The following ACTR3C variants were observed in gnomAD, a reference collection of about 807,000 sequenced individuals.
ACTR3C encodes actin-related protein 3C.
A neutral mutation model predicts 26.3 loss-of-function variants in ACTR3C; 18 were observed. The ratio of observed to expected loss-of-function variants is 0.68; its 90% CI spans 0.47 to 1.01. ACTR3C has a LOEUF of 1.01. Ranked by LOEUF, ACTR3C falls within the 50% of genes least tolerant of loss-of-function variation. The pLI is 0.00. For synonymous variants in ACTR3C, 55 were observed against 94.5 expected (o/e 0.58, Z 2.42); for missense variants, 184 against 250.7 (o/e 0.73, Z 1.80).
the ACTR3C span, among the ~76,000 whole-genome samples, chr7:150,180,518 T>TA: frequency 6.9e-6 from 1 of 145,012 alleles, no homozygotes; most frequent in East Asian, 2.0e-4. Context: ...TATCTTTTTT[T>TA]TTTTTTTTTT....
chr7:150,139,006 G>T, the ACTR3C span, among the ~76,000 whole-genome samples: 6 of 152,262 alleles, frequency 3.9e-5, no homozygotes, highest in African/African-American at 1.4e-4. Context: ...CAAGTTCAGG[G>T]CTCCCACTGA....
At chr7:150,029,370 G>T in the ACTR3C span, among the ~76,000 whole-genome samples, 1 of 144,056 alleles carries the variant, frequency 6.9e-6, no homozygotes, top group Non-Finnish European at 1.5e-5. Flanking sequence ...GACCAGGCTG[G>T]GCAACATAGG....
the ACTR3C span, among the ~76,000 whole-genome samples, chr7:149,935,699 G>T: frequency 7.1e-4 from 101 of 141,836 alleles, no homozygotes; most frequent in African/African-American, 2.5e-3. Context: ...GTTCTTATCA[G>T]CAGCAATCAT....
downstream of ACTR3C, chr7:150,245,812 G>A (rs1271377885): frequency 3.3e-5 from 5 of 152,224 alleles, no homozygotes; most frequent in Admixed American, 3.3e-4. Flanking sequence ...CCTGCTGGGG[G>A]GCTCAGTGAA....
chr7:150,169,046 C>A, the ACTR3C span, among the ~76,000 whole-genome samples: 1 of 150,470 alleles, frequency 6.6e-6, no homozygotes, highest in Non-Finnish European at 1.5e-5. Context: ...TAGACGAGGT[C>A]ATGAAGATGG....
the ACTR3C span, among the ~76,000 whole-genome samples, chr7:150,110,309 C>G: frequency 6.6e-6 from 1 of 151,720 alleles, no homozygotes; most frequent in Admixed American, 6.6e-5. Flanking sequence ...TCTCTCTGCT[C>G]TCCTGGCTGT....
the ACTR3C span, among the ~76,000 whole-genome samples, chr7:150,189,329 T>G: frequency 6.6e-6 from 1 of 152,226 alleles, no homozygotes; most frequent in South Asian, 2.1e-4. Flanking sequence ...GTTGTGATAC[T>G]CATCTATAAT....
rs111231836 is a variant in ACTR3C at position 150,285,319 on chromosome 7, GGGTT to G, written c.472-478_472-475del. On this transcript the variant is annotated intron_variant, in intron 5 of 7. Transcript: ENST00000683684. ...AGGGAAGTGTTTTGTTTAATGAGAA[GGGTT>G]TGTTTAACATGAAACAATCCACATG... 4.7e-3 allele frequency among the ~76,000 whole-genome samples: 713 copies of G among 152,258 alleles called. 5 individuals are homozygous for G. Among genetic ancestry groups the G allele is most frequent in the African/African-American group, 0.016 (670 of 41,532 alleles).
At chr7:150,045,353 TTTG>T in the ACTR3C span, among the ~76,000 whole-genome samples, 2 of 152,354 alleles carry the variant, frequency 1.3e-5, no homozygotes, top group African/African-American at 2.4e-5. Flanking sequence ...TGCATAAAAG[TTTG>T]TTGTTGTTTT....
At chr7:150,174,629 A>C in the ACTR3C span, among the ~76,000 whole-genome samples, 1 of 139,710 alleles carries the variant, frequency 7.2e-6, no homozygotes, top group Non-Finnish European at 1.5e-5. Context: ...CAACAGTTTC[A>C]ACAAAGTGGA....
At chr7:149,997,908 ATTTGT>A in the ACTR3C span, among the ~76,000 whole-genome samples, 1 of 149,736 alleles carries the variant, frequency 6.7e-6, no homozygotes, top group African/African-American at 2.5e-5. Context: ...GAGTTTAGAT[ATTTGT>A]TTTATTTATA....
the ACTR3C span, among the ~76,000 whole-genome samples, chr7:150,067,226 A>G: frequency 6.6e-6 from 1 of 152,260 alleles, no homozygotes; most frequent in African/African-American, 2.4e-5. Context: ...CATTGAATTT[A>G]AATGCTGGAT....
the ACTR3C span, among the ~76,000 whole-genome samples, chr7:150,139,699 A>G: frequency 6.6e-6 from 1 of 152,246 alleles, no homozygotes; most frequent in Non-Finnish European, 1.5e-5. Context: ...ATGGCTTTCC[A>G]GCTTCCTCAT....
the ACTR3C span, among the ~76,000 whole-genome samples, chr7:150,147,180 A>T: frequency 1.4e-4 from 21 of 152,322 alleles, no homozygotes; most frequent in Admixed American, 1.2e-3. Context: ...TATTAGGCAT[A>T]TGAAAATATC....
chr7:150,006,185 A>AATTAATTAATTAATTT, the ACTR3C span, among the ~76,000 whole-genome samples: 2 of 139,016 alleles, frequency 1.4e-5, no homozygotes, highest in African/African-American at 5.4e-5. Flanking sequence ...AATTGCACAG[A>AATTAATTAATTAATTT]ATTTATTTAT....
chr7:150,085,528 C>T, the ACTR3C span, among the ~76,000 whole-genome samples: 26 of 152,240 alleles, frequency 1.7e-4, no homozygotes, highest in Middle Eastern at 3.4e-3. Flanking sequence ...TCTGGATCTC[C>T]ACAAACCCCT....
chr7:150,209,056 TGAA>T, the ACTR3C span, among the ~76,000 whole-genome samples: 1 of 151,934 alleles, frequency 6.6e-6, no homozygotes, highest in Non-Finnish European at 1.5e-5. Context: ...TTAATGAACT[TGAA>T]GACATAATAA....
the ACTR3C span, among the ~76,000 whole-genome samples, chr7:150,235,429 G>T: frequency 1.3e-5 from 2 of 152,140 alleles, no homozygotes; most frequent in Non-Finnish European, 2.9e-5. Context: ...TTGCTTCTCT[G>T]CAATGTAGCT....
chr7:150,010,200 C>G, the ACTR3C span, among the ~76,000 whole-genome samples: 2 of 152,222 alleles, frequency 1.3e-5, no homozygotes, highest in Admixed American at 1.3e-4. Context: ...ATGTTCTCTT[C>G]TGTTCCAAAC....
Sources: gnomAD v4.1 joint callset for allele counts (sites outside exome capture counted in the v4.1 genomes callset) on GRCh38, gnomAD v4.1.1 for gene constraint, MANE v1.5 for transcripts, NCBI Gene and HGNC (gene_info 2026-07-23, HGNC 2026-07-21) for gene names.